Variants in EFNA5 observed in about 807,000 individuals in gnomAD.
EFNA5 encodes ephrin A5, also known as ephrin-A5.
In EFNA5, 5 loss-of-function variants were observed where a neutral mutation model predicts 22.9. That is an observed-to-expected ratio of 0.22 (90% CI 0.11 to 0.46). EFNA5 has a LOEUF of 0.46. EFNA5 is among the 20% of genes least tolerant of loss of function. The pLI is 0.99. For synonymous variants in EFNA5, 113 were observed against 112.2 expected, an observed-to-expected ratio of 1.01 and a Z score of -0.04; for missense variants, 237 against 293.3, an observed-to-expected ratio of 0.81 and a Z score of 1.40.
intron 1 of EFNA5, among the ~76,000 whole-genome samples, chr5:107,532,737 G>A (rs1452581950): frequency 6.6e-6 from 1 of 152,200 alleles, no homozygotes; most frequent in Non-Finnish European, 1.5e-5. Flanking sequence ...TGACAAAAGC[G>A]ATTCGTCAAG....
At chr5:107,633,838 C>G (rs902387889) in intron 1 of EFNA5, among the ~76,000 whole-genome samples, 1 of 152,144 alleles carries the variant, frequency 6.6e-6, no homozygotes, top group Non-Finnish European at 1.5e-5. Flanking sequence ...AGCTAAGAAT[C>G]ACAGGCCACA....
chr5:107,507,868 A>G lies in EFNA5; in HGVS notation c.126-80359T>C, dbSNP rs545041681. ...TATTAGAAAACTGAAAATTATATACATGGCTCACATATTTCTATTGGACAA... is the reference window on the plus strand; with the variant it reads ...TATTAGAAAACTGAAAATTATATACGTGGCTCACATATTTCTATTGGACAA... On this transcript the variant is annotated intron_variant, in intron 1 of 4. Transcript: ENST00000333274. 9.8e-5 allele frequency among the ~76,000 whole-genome samples: 15 copies of G among 152,322 alleles called. No homozygotes were observed. The South Asian group carries it at 2.9e-3, about 29-fold the overall frequency.
At chr5:107,390,058 C>G (rs1297306009) in intron 2 of EFNA5, among the ~76,000 whole-genome samples, 3 of 152,236 alleles carry the variant, frequency 2.0e-5, no homozygotes, top group African/African-American at 4.8e-5. Context: ...CACTGCATCA[C>G]TGGCCTGAGC....
At chr5:107,457,669 G>T (rs1749729959) in intron 1 of EFNA5, among the ~76,000 whole-genome samples, 2 of 152,088 alleles carry the variant, frequency 1.3e-5, no homozygotes, top group Admixed American at 1.3e-4. Context: ...ACTTTACCAT[G>T]TTATTTGAAT....
At position 107,436,397 on chromosome 5, in the gene EFNA5, G is replaced by A. The variant is rs76513190; in HGVS notation, c.126-8888C>T. Reference sequence around the variant, plus strand: ...GGGCATGGAGTAAGAGTGTGTCAACGTCAACAGGGCCAAGTCAGCCAAAGA... The same window carrying A: ...GGGCATGGAGTAAGAGTGTGTCAACATCAACAGGGCCAAGTCAGCCAAAGA... On this transcript the variant is annotated intron_variant, in intron 1 of 4. Transcript: ENST00000333274. Among the ~76,000 whole-genome samples, 181 of 152,266 alleles carry A rather than the reference G, an allele frequency of 1.2e-3. 2 individuals carry two copies. The highest frequency in any genetic ancestry group is 4.1e-3 in the African/African-American group (172 of 41,542).
At chr5:107,574,530 C>T (rs1383588297) in intron 1 of EFNA5, among the ~76,000 whole-genome samples, 2 of 152,192 alleles carry the variant, frequency 1.3e-5, no homozygotes, top group Non-Finnish European at 2.9e-5. Context: ...TAGTAGGCAG[C>T]CTTTATTCTC....
At chr5:107,471,010 G>A (rs929759199) in intron 1 of EFNA5, among the ~76,000 whole-genome samples, 4 of 151,848 alleles carry the variant, frequency 2.6e-5, no homozygotes, top group South Asian at 2.1e-4. Flanking sequence ...TTTTAATACC[G>A]CAGGCTCATG....
intron 1 of EFNA5, among the ~76,000 whole-genome samples, chr5:107,529,905 T>TGAGAAAATA (rs1193248011): frequency 6.6e-6 from 1 of 152,220 alleles, no homozygotes; most frequent in East Asian, 1.9e-4. Flanking sequence ...ACTTACATAA[T>TGAGAAAATA]GAGAAAATAG....
intron 1 of EFNA5, among the ~76,000 whole-genome samples, chr5:107,488,260 G>T (rs1255140947): frequency 6.6e-6 from 1 of 152,114 alleles, no homozygotes; most frequent in Non-Finnish European, 1.5e-5. Context: ...TTTTTTTATT[G>T]ATTGATTGAT....
intron 1 of EFNA5, among the ~76,000 whole-genome samples, chr5:107,587,468 C>CTCTA (rs1411945398): frequency 6.6e-6 from 1 of 152,184 alleles, no homozygotes; most frequent in African/African-American, 2.4e-5. Context: ...AGTTATCATG[C>CTCTA]TCTAAGACAA....
chr5:107,399,212 G>A (rs2112386624), intron 2 of EFNA5, among the ~76,000 whole-genome samples: 2 of 152,188 alleles, frequency 1.3e-5, no homozygotes, highest in East Asian at 3.9e-4. Flanking sequence ...AGCAGTTTAG[G>A]AGGCCAAGGC....
At chr5:107,390,520 TGAGCAATAGATA>T (rs1747762968) in intron 2 of EFNA5, among the ~76,000 whole-genome samples, 1 of 152,146 alleles carries the variant, frequency 6.6e-6, no homozygotes, top group Admixed American at 6.6e-5. Context: ...GATCAATTTA[TGAGCAATAGATA>T]GAGCTGAGGA....
chr5:107,419,423 T>C (rs1277706937), intron 2 of EFNA5, among the ~76,000 whole-genome samples: 1 of 152,194 alleles, frequency 6.6e-6, no homozygotes, highest in Non-Finnish European at 1.5e-5. Context: ...TATTTTCAAA[T>C]AGAGACCCGA....
At position 107,377,858 on chromosome 5, in the gene EFNA5, G is replaced by C. The variant is rs1747308754; in HGVS notation, c.*3397C>G. ...ACATGCTGGTGGAGAAGGGAGGGTG[G>C]GCCACAGGGCTCCAACATCAGACCT... On this transcript the variant is annotated 3_prime_UTR_variant, in exon 5 of 5. Transcript: ENST00000333274. 6.6e-6 allele frequency: 1 copy of C among 152,136 alleles called. No individual in the cohort carries two copies. The highest frequency in any genetic ancestry group is 1.5e-5 in the Non-Finnish European group (1 of 68,036). The allele number at this position is 152,136 out of a possible 1,614,324, so 9.4% of individuals were successfully genotyped here. A position where few individuals can be genotyped will look rare whatever the true frequency, so the allele number is the denominator to read the frequency against.
At chr5:107,518,404 C>G (rs1318387013) in intron 1 of EFNA5, among the ~76,000 whole-genome samples, 1 of 152,028 alleles carries the variant, frequency 6.6e-6, no homozygotes, top group East Asian at 1.9e-4. Context: ...ATAATGCACA[C>G]ACATCTCTGG....
At position 107,670,266 on chromosome 5, in the gene EFNA5, C is replaced by T. The variant is rs544451086; in HGVS notation, c.125+223G>A. 3.9e-5 allele frequency among the ~76,000 whole-genome samples: 6 copies of T among 152,106 alleles called. No individual in the cohort carries two copies. In the South Asian group the frequency reaches 8.3e-4, roughly 21 times the overall value. ...CCGCAGAAGCAGTTGGTCTAGGCAG[C>T]CCCGGGGACTCCCAGGGGTACCTGG... On this transcript the variant is annotated intron_variant, in intron 1 of 4. Transcript: ENST00000333274.
intron 1 of EFNA5, among the ~76,000 whole-genome samples, chr5:107,574,319 G>A (rs1748879122): frequency 6.6e-6 from 1 of 152,002 alleles, no homozygotes. Context: ...GGAGTACTCA[G>A]TGTCTTTCTC....
In EFNA5 at chr5:107,670,766, G is replaced by A; in HGVS notation, c.-153C>T. On this transcript the variant is annotated 5_prime_UTR_variant, in exon 1 of 5. Coordinates refer to ENST00000333274, the MANE Select transcript of EFNA5 (RefSeq NM_001962.3). ...AAAGTGGGCGAGAAAGGAAAGAGGC[G>A]CCCACCAAGCTGGGGAGGGGTAGGA... The A allele has an allele frequency of 1.3e-5, 14 of 1,077,480 alleles. No individual in the cohort carries two copies. Among genetic ancestry groups the A allele is most frequent in the African/African-American group, 1.6e-5 (1 of 62,138 alleles). 66.7% of individuals were successfully genotyped at this position (1,077,480 alleles called of 1,614,324 possible). A position where few individuals can be genotyped will look rare whatever the true frequency, so the allele number is the denominator to read the frequency against.
intron 2 of EFNA5, among the ~76,000 whole-genome samples, chr5:107,420,537 A>G (rs1277873872): frequency 7.5e-5 from 8 of 107,036 alleles, no homozygotes; most frequent in Non-Finnish European, 1.2e-4. Flanking sequence ...AAAAAAAAAA[A>G]AAAGAAAAAA....
Sources: allele counts gnomAD v4.1 joint callset (sites outside exome capture counted in the v4.1 genomes callset), GRCh38; gene constraint gnomAD v4.1.1; transcripts MANE v1.5; gene names NCBI Gene and HGNC (gene_info 2026-07-23, HGNC 2026-07-21).